The following CSMD3 variants were observed in gnomAD, a reference collection of about 807,000 sequenced individuals.
The protein encoded by CSMD3 is CUB and Sushi multiple domains 3.
In CSMD3, 177 loss-of-function variants were observed where a neutral mutation model predicts 435.2. The observed-to-expected ratio is 0.41, with a 90% CI of 0.36 to 0.46. CSMD3 has a LOEUF of 0.46. Among genes scored for constraint, CSMD3 ranks in the 20% least tolerant of loss-of-function variants. The pLI is 0.34. For synonymous variants in CSMD3, 1,656 were observed against 1,520.5 expected (o/e 1.09, Z -2.07); for missense variants, 4,265 against 4,504.6 (o/e 0.95, Z 1.52).
intron 32 of CSMD3, among the ~76,000 whole-genome samples, chr8:112,424,516 A>C (rs1812848671): frequency 6.6e-6 from 1 of 152,178 alleles, no homozygotes; most frequent in Non-Finnish European, 1.5e-5. Flanking sequence ...CAATGAATTA[A>C]ACCTTATTCT....
At chr8:112,493,842 A>T (rs999909464) in intron 30 of CSMD3, among the ~76,000 whole-genome samples, 9 of 152,136 alleles carry the variant, frequency 5.9e-5, no homozygotes, top group Non-Finnish European at 1.0e-4. Context: ...ATTACTTAAG[A>T]AATAATAAAG....
intron 7 of CSMD3, 70 bp from the exon 8 acceptor site, chr8:112,954,831 T>A (rs958188926): frequency 1.8e-5 from 17 of 970,380 alleles, no homozygotes; most frequent in Non-Finnish European, 2.6e-5. Context: ...AGTTAACAAA[T>A]TTTGTTAGCA....
intron 32 of CSMD3, among the ~76,000 whole-genome samples, chr8:112,467,881 C>A (rs1818119356): frequency 6.6e-6 from 1 of 152,106 alleles, no homozygotes. Context: ...CTAGAGCCGC[C>A]AGAGGAAGTG....
At position 113,050,496 on chromosome 8, in the gene CSMD3, A is replaced by C. The variant is rs76536608; in HGVS notation, c.918-31317T>G. On this transcript the variant is annotated intron_variant, in intron 5 of 70. Coordinates refer to ENST00000297405, the MANE Select transcript of CSMD3 (RefSeq NM_198123.2). ...ATGTATCAGAAACAAAAAGACTACC[A>C]CATCTTAAATAAGAAAATGGCATTA... Among the ~76,000 whole-genome samples the C allele has an allele frequency of 4.6e-3, 695 of 152,192 alleles. 5 individuals carry two copies. The highest frequency in any genetic ancestry group is 0.015 in the African/African-American group (610 of 41,566).
At chr8:113,398,132 G>T (rs887837663) in intron 1 of CSMD3, among the ~76,000 whole-genome samples, 6 of 152,192 alleles carry the variant, frequency 3.9e-5, no homozygotes, top group Non-Finnish European at 8.8e-5. Flanking sequence ...CCATCCCCAA[G>T]ATTGTAAAAT....
At chr8:112,311,241 C>T (rs1432111520) in intron 49 of CSMD3, 75 bp from the exon 50 acceptor site, 9 of 1,209,562 alleles carry the variant, frequency 7.4e-6, no homozygotes, top group Admixed American at 1.8e-5. Context: ...AACACCTATA[C>T]AGCGACTAGT....
At chr8:112,738,063 C>T (rs549630991) in intron 13 of CSMD3, among the ~76,000 whole-genome samples, 84 of 151,748 alleles carry the variant, frequency 5.5e-4, no homozygotes, top group Non-Finnish European at 9.9e-4. Flanking sequence ...TGTAAGCACA[C>T]AGTGATAAGA....
chr8:112,538,603 C>G lies in CSMD3; in HGVS notation c.4564+12068G>C, dbSNP rs554587399. ...ATGAAATAAATCCCATTTACAATAG[C>G]TACAAAATATATAAAATACCTAGAA... On this transcript the variant is annotated intron_variant, in intron 27 of 70. Transcript: ENST00000297405. 2.6e-5 allele frequency among the ~76,000 whole-genome samples: 4 copies of G among 151,862 alleles called. No individual in the cohort carries two copies. In the East Asian group the frequency reaches 7.7e-4, roughly 29 times the overall value.
rs1737749033 is a variant in CSMD3, at chr8:112,805,936, T to C, written c.1860-5662A>G. On this transcript the variant is annotated intron_variant, in intron 12 of 70. Coordinates refer to ENST00000297405, the MANE Select transcript of CSMD3 (RefSeq NM_198123.2). Reference sequence around the variant, plus strand: ...GGTAGGCTCAGAAACTAAAGAGCAATAAAAAACTGACACTTCAGCTTTGTT... The same window carrying C: ...GGTAGGCTCAGAAACTAAAGAGCAACAAAAAACTGACACTTCAGCTTTGTT... 2.0e-5 allele frequency among the ~76,000 whole-genome samples: 3 copies of C among 152,224 alleles called. No individual in the cohort carries two copies. In the South Asian group the frequency reaches 6.2e-4, roughly 32 times the overall value.
intron 3 of CSMD3, among the ~76,000 whole-genome samples, chr8:113,250,629 CCAAA>C (rs1310337127): frequency 6.6e-6 from 1 of 151,814 alleles, no homozygotes; most frequent in East Asian, 1.9e-4. Flanking sequence ...GGAGATGGGG[CCAAA>C]CAGACAATCT....
chr8:113,149,133 G>A (rs2091747214), intron 4 of CSMD3, among the ~76,000 whole-genome samples: 1 of 151,760 alleles, frequency 6.6e-6, no homozygotes. Context: ...TTAGGAAAGA[G>A]AGGCAAAATT....
At chr8:112,504,397 AT>A (rs1822297136) in intron 29 of CSMD3, among the ~76,000 whole-genome samples, 1 of 152,118 alleles carries the variant, frequency 6.6e-6, no homozygotes, top group Admixed American at 6.5e-5. Context: ...TCATCCATAT[AT>A]TTTGCATCAT....
intron 29 of CSMD3, among the ~76,000 whole-genome samples, chr8:112,506,160 T>C (rs1164958947): frequency 6.6e-6 from 1 of 152,128 alleles, no homozygotes. Context: ...AAAAATAAAA[T>C]TTTATTTATT....
intron 22 of CSMD3, among the ~76,000 whole-genome samples, chr8:112,629,208 T>C (rs1367925128): frequency 6.7e-6 from 1 of 148,512 alleles, no homozygotes; most frequent in East Asian, 2.0e-4. Context: ...TTTATTATTA[T>C]TTATTTTTTT....
At chr8:112,398,249 C>T (rs929035830) in intron 35 of CSMD3, among the ~76,000 whole-genome samples, 2 of 152,196 alleles carry the variant, frequency 1.3e-5, no homozygotes, top group African/African-American at 4.8e-5. Context: ...TCCACCCAGA[C>T]ACGCTGCAGG....
chr8:113,431,734 T>C (rs916285562), intron 1 of CSMD3, among the ~76,000 whole-genome samples: 1 of 151,444 alleles, frequency 6.6e-6, no homozygotes, highest in African/African-American at 2.4e-5. Context: ...TTTCCGCACA[T>C]GAGTACAAAG....
chr8:112,436,259 C>A, intron 32 of CSMD3, among the ~76,000 whole-genome samples: 1 of 151,782 alleles, frequency 6.6e-6, no homozygotes, highest in Non-Finnish European at 1.5e-5. Flanking sequence ...CAACTAATTT[C>A]CATATAAATG....
intron 18 of CSMD3, among the ~76,000 whole-genome samples, chr8:112,653,561 C>T (rs1403059713): frequency 6.6e-6 from 1 of 151,852 alleles, no homozygotes; most frequent in Non-Finnish European, 1.5e-5. Flanking sequence ...TGATTTTTTC[C>T]TGGGGAAAAA....
At chr8:112,724,889 T>G (rs1049007828) in intron 13 of CSMD3, among the ~76,000 whole-genome samples, 1 of 152,072 alleles carries the variant, frequency 6.6e-6, no homozygotes, top group Non-Finnish European at 1.5e-5. Flanking sequence ...CATTTAGTGC[T>G]AAGATAAATA....
Sources: allele counts gnomAD v4.1 joint callset (sites outside exome capture counted in the v4.1 genomes callset), GRCh38; gene constraint gnomAD v4.1.1; transcripts MANE v1.5; gene names NCBI Gene and HGNC (gene_info 2026-07-23, HGNC 2026-07-21).